Variants in UBOX5 observed in about 807,000 individuals in gnomAD.
UBOX5 encodes RING finger protein 37.
Under a neutral mutation model 39.0 loss-of-function variants are expected in UBOX5, and 28 were observed. The observed-to-expected ratio is 0.72, with a 90% CI of 0.53 to 0.98. The LOEUF (loss-of-function observed/expected upper bound fraction) is 0.98. UBOX5 is among the 50% of genes least tolerant of loss of function. UBOX5 has a pLI of 0.00. For missense variants in UBOX5, 585 were observed against 674.4 expected (o/e 0.87, Z 1.47); for synonymous variants, 283 against 275.5 (o/e 1.03, Z -0.27).
intron 4 of UBOX5, among the ~76,000 whole-genome samples, chr20:3,113,499 G>A (rs2066270320): frequency 6.6e-6 from 1 of 152,102 alleles, no homozygotes; most frequent in Non-Finnish European, 1.5e-5. Flanking sequence ...CAACTGCTAT[G>A]AGTATGATGA....
chr20:3,111,038 C>T (rs965955385), intron 4 of UBOX5, among the ~76,000 whole-genome samples: 16 of 152,154 alleles, frequency 1.1e-4, no homozygotes, highest in Non-Finnish European at 4.4e-5. Context: ...CCTCAGTCCC[C>T]CTCCTGTGCT....
At chr20:3,128,173 A>G (rs1175871694) in intron 1 of UBOX5, among the ~76,000 whole-genome samples, 2 of 152,362 alleles carry the variant, frequency 1.3e-5, no homozygotes, top group Admixed American at 1.3e-4. Flanking sequence ...ATATCCTCAG[A>G]AGCCCTATAG....
At chr20:3,127,754 T>C (rs1247428263) in intron 1 of UBOX5, among the ~76,000 whole-genome samples, 2 of 152,216 alleles carry the variant, frequency 1.3e-5, no homozygotes, top group Non-Finnish European at 2.9e-5. Context: ...CCTAAAATTT[T>C]TTCCTTTAAA....
chr20:3,139,967 CA>C (rs2066503023), intron 1 of UBOX5, among the ~76,000 whole-genome samples: 3 of 150,828 alleles, frequency 2.0e-5, no homozygotes, highest in Non-Finnish European at 4.4e-5. Context: ...TTGGGCCTCC[CA>C]AAATGCTGGC....
At chr20:3,117,289 A>G (rs1217872866) in intron 3 of UBOX5, among the ~76,000 whole-genome samples, 1 of 6,658 alleles carries the variant, frequency 1.5e-4, no homozygotes, top group African/African-American at 1.7e-4. Context: ...CAAAGATGGC[A>G]CACACACACA....
intron 1 of UBOX5, among the ~76,000 whole-genome samples, chr20:3,138,022 C>T (rs763922924): frequency 8.5e-5 from 13 of 152,162 alleles, no homozygotes; most frequent in Admixed American, 2.0e-4. Flanking sequence ...CCTGTAATCC[C>T]GGCACTTTGG....
intron 1 of UBOX5, among the ~76,000 whole-genome samples, chr20:3,152,256 G>T (rs183474087): frequency 6.6e-6 from 1 of 151,758 alleles, no homozygotes; most frequent in Non-Finnish European, 1.5e-5. Flanking sequence ...TGAGGCGGGT[G>T]GATCTATGAG....
At chr20:3,128,690 C>T (rs2066407922) in intron 1 of UBOX5, among the ~76,000 whole-genome samples, 1 of 151,992 alleles carries the variant, frequency 6.6e-6, no homozygotes, top group African/African-American at 2.4e-5. Context: ...AGCAAGACCC[C>T]GTCTCTACAA....
At chr20:3,152,458 C>T (rs2066639999) in intron 1 of UBOX5, among the ~76,000 whole-genome samples, 1 of 148,294 alleles carries the variant, frequency 6.7e-6, no homozygotes, top group African/African-American at 2.5e-5. Context: ...GCTGAGATAG[C>T]GCCACTGCAC....
At chr20:3,120,561 G>A (rs1487820497) in intron 3 of UBOX5, among the ~76,000 whole-genome samples, 1 of 149,486 alleles carries the variant, frequency 6.7e-6, no homozygotes, top group Non-Finnish European at 1.5e-5. Context: ...CAGGAGAATG[G>A]TGTGAACCCG....
chr20:3,143,653 G>A (rs1044304116), intron 1 of UBOX5, among the ~76,000 whole-genome samples: 1 of 152,090 alleles, frequency 6.6e-6, no homozygotes, highest in Non-Finnish European at 1.5e-5. Context: ...AAATTAGCTG[G>A]GCGTGGTGGC....
Position 3,159,767 on chromosome 20 carries a change from T to G in UBOX5, c.-43A>C, listed in dbSNP as rs2066727064. 6.6e-6 allele frequency: 1 copy of G among 152,406 alleles called. No individual in the cohort carries two copies. Among genetic ancestry groups the G allele is most frequent in the Non-Finnish European group, 1.5e-5 (1 of 68,194 alleles). 9.4% of individuals were successfully genotyped at this position (152,406 alleles called of 1,614,324 possible). Reference sequence around the variant, plus strand: ...TCCTCCCCGGCCGCCGCCACTCACCTGATCCTCCCGAAGGTGGGCGCCGCA... The same window carrying G: ...TCCTCCCCGGCCGCCGCCACTCACCGGATCCTCCCGAAGGTGGGCGCCGCA... On this transcript the variant is annotated splice_region_variant and 5_prime_UTR_variant, in exon 1 of 5. Coordinates refer to ENST00000217173, the MANE Select transcript of UBOX5 (RefSeq NM_014948.4).
intron 1 of UBOX5, among the ~76,000 whole-genome samples, chr20:3,134,337 A>G (rs1362324668): frequency 6.6e-6 from 1 of 152,124 alleles, no homozygotes; most frequent in Non-Finnish European, 1.5e-5. Flanking sequence ...ATTTTTTACT[A>G]TGAAAAAAAT....
At chr20:3,129,427 G>C (rs2066413431) in intron 1 of UBOX5, among the ~76,000 whole-genome samples, 1 of 152,132 alleles carries the variant, frequency 6.6e-6, no homozygotes, top group African/African-American at 2.4e-5. Context: ...GGACACCAGA[G>C]TAGCAGGACA....
In UBOX5 at chr20:3,110,265, T is replaced by TA; in HGVS notation, c.1466dup (p.Phe490IlefsTer26). The TA allele has an allele frequency of 6.2e-7, 1 of 1,614,010 alleles. No homozygotes were observed. Among genetic ancestry groups the TA allele is most frequent in the South Asian group, 1.1e-5 (1 of 91,054 alleles). On this transcript the variant is annotated frameshift_variant, in exon 5 of 5. Transcript: ENST00000217173. LOFTEE classifies it high-confidence loss of function. ...GCTCCTTTTTGAAGTAGGGAGAAAATACTCTTTTGCAGGAGGCACATTCGG... is the reference window on the plus strand; with the variant it reads ...GCTCCTTTTTGAAGTAGGGAGAAAATAACTCTTTTGCAGGAGGCACATTCGG...
chr20:3,122,549 G>C lies in UBOX5; in HGVS notation c.90C>G (p.Ile30Met). 1 of 1,600,242 alleles carries C rather than the reference G, an allele frequency of 6.2e-7. No individual in the cohort carries two copies. Among genetic ancestry groups the C allele is most frequent in the Non-Finnish European group, 8.5e-7 (1 of 1,171,356 alleles). ...GACTTCTCTTTGTGAGATCTTCAGA[G>C]ATGAGATTTTCTACTTCGTAACCAT... The part of the protein sequence containing the change: ...SADGYEVENL[I>M]SEDLTKRSHG... The change falls in exon 3 of 5, where the codon ATC becomes ATG. Residue 30 changes from isoleucine (I) to methionine (M), a missense_variant. By Grantham distance (10) the Ile-to-Met change is conservative (BLOSUM62 1). Transcript: ENST00000217173.
chr20:3,121,389 GAGC>G lies in UBOX5; in HGVS notation c.1247_1249del (p.Cys416del), dbSNP rs2066334199. The stretch of plus-strand genomic sequence containing the variant: ...GACACAGGATGCTGAATTACCTGTC[GAGC>G]AGTCCATATGTGTCAGGCTGGGCTC... On this transcript the variant is annotated inframe_deletion, in exon 3 of 5. Transcript: ENST00000217173. 26 of 1,607,754 alleles carry G rather than the reference GAGC, an allele frequency of 1.6e-5. No individual in the cohort carries two copies. The highest frequency in any genetic ancestry group is 2.1e-5 in the Non-Finnish European group (25 of 1,176,580).
At chr20:3,142,163 G>GAA (rs74932169) in intron 1 of UBOX5, among the ~76,000 whole-genome samples, 27 of 79,996 alleles carry the variant, frequency 3.4e-4, no homozygotes, top group African/African-American at 9.0e-4. Flanking sequence ...GTCTCAAAAA[G>GAA]AAAAAAAAAA....
intron 1 of UBOX5, chr20:3,148,309 T>C (rs569505100): frequency 6.2e-7 from 1 of 1,613,658 alleles, no homozygotes; most frequent in Admixed American, 1.7e-5. Flanking sequence ...CTTTGCGGCC[T>C]AAGTACCTCC....
Sources: gnomAD v4.1 joint callset for allele counts (sites outside exome capture counted in the v4.1 genomes callset) on GRCh38, gnomAD v4.1.1 for gene constraint, MANE v1.5 for transcripts, NCBI Gene and HGNC (gene_info 2026-07-23, HGNC 2026-07-21) for gene names.